MYL9: variants seen among roughly 807,000 people sequenced by gnomAD.
MYL9 encodes myosin light chain 9.
Under a neutral mutation model 12.8 loss-of-function variants are expected in MYL9, and 7 were observed. The ratio of observed to expected loss-of-function variants is 0.55; its 90% confidence interval spans 0.31 to 1.03. The LOEUF (loss-of-function observed/expected upper bound fraction) is 1.03, where lower values mean the gene tolerates loss of function less well. Ranked by LOEUF, MYL9 falls within the 50% of genes least tolerant of loss-of-function variation. The pLI, the probability that MYL9 is intolerant of heterozygous loss-of-function variation, is 0.05. For synonymous variants in MYL9, 81 were observed against 87.8 expected, an observed-to-expected ratio of 0.92 and a Z score of 0.43; for missense variants, 190 against 242.7, an observed-to-expected ratio of 0.78 and a Z score of 1.44.
chr20:36,542,845 G>A (rs1319171132), intron 1 of MYL9, among the ~76,000 whole-genome samples: 1 of 152,194 alleles, frequency 6.6e-6, no homozygotes, highest in Non-Finnish European at 1.5e-5. Flanking sequence ...TAAGTACAGT[G>A]CTCCCAGCCA....
intron 1 of MYL9, among the ~76,000 whole-genome samples, chr20:36,542,162 G>C (rs958212540): frequency 6.6e-6 from 1 of 152,128 alleles, no homozygotes; most frequent in African/African-American, 2.4e-5. Context: ...GGGTGGGGAA[G>C]GTCTGCGGAG....
At position 36,544,874 on chromosome 20, in the gene MYL9, CAGAAG is replaced by C; in HGVS notation, c.-10_-6del. 3 of 1,610,914 alleles carry C rather than the reference CAGAAG, an allele frequency of 1.9e-6. No individual in the cohort carries two copies. Among genetic ancestry groups the C allele is most frequent in the Non-Finnish European group, 2.5e-6 (3 of 1,178,252 alleles). On this transcript the variant is annotated 5_prime_UTR_variant, in exon 2 of 4. Transcript: ENST00000279022. ...CTTCCTGCAGGGAAGCCCCACCCAC[CAGAAG>C]CCAAGATGTCCAGCAAGCGGGCCAA... is the stretch of plus-strand genomic sequence containing the variant.
chr20:36,548,127 C>T lies in MYL9; in HGVS notation c.280C>T (p.Leu94=). The T allele has an allele frequency of 6.2e-7, 1 of 1,614,052 alleles. No homozygotes were observed. The highest frequency in any genetic ancestry group is 8.5e-7 in the Non-Finnish European group (1 of 1,179,924). The stretch of plus-strand genomic sequence containing the variant: ...GTTCCTCACCATGTTTGGGGAGAAG[C>T]TGAACGGCACGGACCCCGAGGATGT... ...TMFLTMFGEK[L]NGTDPEDVIR... The change falls in exon 3 of 4, where the codon CTG becomes TTG. Residue 94 remains leucine (L), a synonymous_variant. Transcript: ENST00000279022.
intron 2 of MYL9, 46 bp downstream of exon 2, chr20:36,545,114 G>C: frequency 6.3e-7 from 1 of 1,595,246 alleles, no homozygotes; most frequent in Non-Finnish European, 8.6e-7. Context: ...GGCCAGGCAG[G>C]CTCTGCCAAT....
chr20:36,548,744 TG>T (rs2038133437), intron 3 of MYL9, among the ~76,000 whole-genome samples: 2 of 152,138 alleles, frequency 1.3e-5, no homozygotes, highest in Non-Finnish European at 2.9e-5. Flanking sequence ...ACTCAGGCAG[TG>T]GAACTCCAGA....
Position 36,550,020 on chromosome 20 carries a change from C to T in MYL9, c.*771C>T, listed in dbSNP as rs2038151227. 6.6e-6 allele frequency: 1 copy of T among 152,428 alleles called. No individual in the cohort carries two copies. Among genetic ancestry groups the T allele is most frequent in the African/African-American group, 2.4e-5 (1 of 41,440 alleles). The allele number at this position is 152,428 out of a possible 1,614,324, so 9.4% of individuals were successfully genotyped here. On this transcript the variant is annotated 3_prime_UTR_variant, in exon 4 of 4. Coordinates refer to ENST00000279022, the MANE Select transcript of MYL9 (RefSeq NM_006097.5). ...CCTAGTAAGTGGGCTCTGTGCTCAG[C>T]TGAGACCAGCAGGGGACAGGGGACG...
chr20:36,548,352 G>T (rs115236138), intron 3 of MYL9, among the ~76,000 whole-genome samples, 159 bp downstream of exon 3: 9 of 152,134 alleles, frequency 5.9e-5, no homozygotes, highest in African/African-American at 2.2e-4. Context: ...CGCCGCAAAG[G>T]CTAGGCCAGA....
rs183128420 is a variant in MYL9, at chr20:36,547,444, G to A, written c.185-588G>A. Among the ~76,000 whole-genome samples, 3 of 152,346 alleles carry A rather than the reference G, an allele frequency of 2.0e-5. No homozygotes were observed. In the East Asian group the frequency reaches 5.8e-4, roughly 29 times the overall value. ...GATTCCAGTCCATAGGCCTGTGCCA[G>A]TCATTGTTATGAGCCTTTTGCAACT... On this transcript the variant is annotated intron_variant, in intron 2 of 3. Transcript: ENST00000279022.
rs7273824 is a variant in MYL9 at position 36,548,162 on chromosome 20, C to T, written c.315C>T (p.Asn105=). ...NGTDPEDVIR[N]AFACFDEEAS... Reference sequence around the variant, plus strand: ...CGGACCCCGAGGATGTGATTCGCAACGCCTTTGCCTGCTTCGACGAGGAAG... The same window carrying T: ...CGGACCCCGAGGATGTGATTCGCAATGCCTTTGCCTGCTTCGACGAGGAAG... The change falls in exon 3 of 4, where the codon AAC becomes AAT. Residue 105 remains asparagine (N), a synonymous_variant. Transcript: ENST00000279022. 169 of 1,613,406 alleles carry T rather than the reference C, an allele frequency of 1.0e-4. No individual in the cohort carries two copies. The African/African-American group carries it at 1.6e-3, about 15-fold the overall frequency.
In MYL9 at chr20:36,549,155, TGTACCGGGA is replaced by T. The variant is rs758590292; in HGVS notation, c.427_435del (p.Tyr143_Glu145del). The T allele has an allele frequency of 1.4e-5, 22 of 1,613,864 alleles. No individual in the cohort carries two copies. Among genetic ancestry groups the T allele is most frequent in the Non-Finnish European group, 1.8e-5 (21 of 1,180,016 alleles). ...TTCACAGATGAGGAAGTGGACGAGATGTACCGGGAGGCACCCATTGATAAGAAAGGCAAC... is the reference window on the plus strand; with the variant it reads ...TTCACAGATGAGGAAGTGGACGAGATGGCACCCATTGATAAGAAAGGCAAC... On this transcript the variant is annotated inframe_deletion, in exon 4 of 4. Transcript: ENST00000279022.
intron 1 of MYL9, among the ~76,000 whole-genome samples, chr20:36,544,654 C>T (rs2038073567): frequency 6.6e-6 from 1 of 152,198 alleles, no homozygotes; most frequent in Non-Finnish European, 1.5e-5. Context: ...CAGATGAAGA[C>T]TCTCGGGCTC....
intron 2 of MYL9, among the ~76,000 whole-genome samples, chr20:36,546,579 C>T (rs1180044399): frequency 6.6e-6 from 1 of 152,126 alleles, no homozygotes; most frequent in East Asian, 1.9e-4. Flanking sequence ...GGCTCCCTCC[C>T]CCAGGAGGTC....
intron 2 of MYL9, 60 bp downstream of exon 2, chr20:36,545,128 T>C (rs2038079490): frequency 2.5e-6 from 4 of 1,570,322 alleles, no homozygotes; most frequent in Admixed American, 3.5e-5. Flanking sequence ...TGCCAATCAT[T>C]TACAGGGCAC....
chr20:36,541,815 G>A (rs1431263021), intron 1 of MYL9, among the ~76,000 whole-genome samples: 3 of 152,200 alleles, frequency 2.0e-5, no homozygotes, highest in Non-Finnish European at 4.4e-5. Context: ...GTGGTCCTGC[G>A]GCAAGGGAAG....
At chr20:36,546,625 T>C (rs1301508745) in intron 2 of MYL9, among the ~76,000 whole-genome samples, 3 of 151,562 alleles carry the variant, frequency 2.0e-5, no homozygotes, top group African/African-American at 7.3e-5. Context: ...TTCTTTTTTT[T>C]TCCCCCCGAG....
chr20:36,545,049 C>T lies in MYL9; in HGVS notation c.165C>T (p.His55=), dbSNP rs181831243. 2.2e-5 allele frequency: 36 copies of T among 1,614,090 alleles called. No individual in the cohort carries two copies. Among genetic ancestry groups the T allele is most frequent in the Non-Finnish European group, 2.7e-5 (32 of 1,179,972 alleles). ...RDGFIDKEDL[H]DMLASLGKNP... ...GCTTCATTGACAAGGAGGACCTGCA[C>T]GACATGCTGGCCTCGCTGGGTGAGC... Residue 55 remains histidine, a synonymous_variant, in exon 2 of 4, where the codon CAC becomes CAT. Transcript: ENST00000279022.
At position 36,548,049 on chromosome 20, in the gene MYL9, GAA is replaced by G. The variant is rs1304886044; in HGVS notation, c.203_204del (p.Glu68ValfsTer52). 1.2e-6 allele frequency: 2 copies of G among 1,611,538 alleles called. No individual in the cohort carries two copies. On this transcript the variant is annotated frameshift_variant, in exon 3 of 4. Transcript: ENST00000279022. LOFTEE classifies it high-confidence loss of function. ...LASLGKNPTD[E>X]YLEGMMSEAP... ...TGCCACAGGGAAGAACCCCACAGAC[GAA>G]TACCTGGAGGGCATGATGAGCGAGG...
In MYL9 at chr20:36,544,936, G is replaced by GCCACATC; in HGVS notation, c.54_60dup (p.Asn21HisfsTer9). The GCCACATC allele has an allele frequency of 6.2e-7, 1 of 1,613,924 alleles. No homozygotes were observed. Among genetic ancestry groups the GCCACATC allele is most frequent in the Non-Finnish European group, 8.5e-7 (1 of 1,179,964 alleles). ...GACCACCAAGAAGCGGCCACAGCGG[G>GCCACATC]CCACATCCAATGTCTTCGCAATGTT... On this transcript the variant is annotated frameshift_variant, in exon 2 of 4. Coordinates refer to ENST00000279022, the MANE Select transcript of MYL9 (RefSeq NM_006097.5). LOFTEE classifies it high-confidence loss of function.
At position 36,551,408 on chromosome 20, in the gene MYL9, C is replaced by T. The variant is rs1310828636; in HGVS notation, c.*2159C>T. 1 of 152,142 alleles carries T rather than the reference C, an allele frequency of 6.6e-6. No homozygotes were observed. Among genetic ancestry groups the T allele is most frequent in the Non-Finnish European group, 1.5e-5 (1 of 68,020 alleles). 9.4% of individuals were successfully genotyped at this position (152,142 alleles called of 1,614,324 possible). On this transcript the variant is annotated 3_prime_UTR_variant, in exon 4 of 4. Transcript: ENST00000279022. ...ATTCTTTTTGTAGAGCTAAAGAAAC[C>T]ATAAGCAAAATTAAAAGCCAAATGC...
Sources: allele counts gnomAD v4.1 joint callset (sites outside exome capture counted in the v4.1 genomes callset), GRCh38; gene constraint gnomAD v4.1.1; transcripts MANE v1.5; gene names NCBI Gene and HGNC (gene_info 2026-07-23, HGNC 2026-07-21).